Variants in GALNTL6 observed in about 807,000 individuals in gnomAD.
The protein encoded by GALNTL6 is polypeptide N-acetylgalactosaminyltransferase like 6.
GALNTL6 carries 46 observed loss-of-function variants against 73.7 expected under a neutral mutation model. The observed-to-expected ratio is 0.62, with a 90% CI of 0.49 to 0.80. The LOEUF (loss-of-function observed/expected upper bound fraction) is 0.80, where lower values mean the gene tolerates loss of function less well. GALNTL6 is among the 30% of genes least tolerant of loss of function. The pLI is 0.00. For missense variants in GALNTL6, 604 were observed against 755.0 expected, an observed-to-expected ratio of 0.80 and a Z score of 2.34; for synonymous variants, 259 against 263.7, an observed-to-expected ratio of 0.98 and a Z score of 0.17.
chr4:172,395,404 A>G (rs1001640040), intron 5 of GALNTL6, among the ~76,000 whole-genome samples: 2 of 152,130 alleles, frequency 1.3e-5, no homozygotes, highest in Non-Finnish European at 2.9e-5. Context: ...GTATGTTTTC[A>G]TTTTTTATTT....
intron 10 of GALNTL6, among the ~76,000 whole-genome samples, chr4:173,005,537 ATAT>A (rs1752240273): frequency 6.7e-6 from 1 of 149,060 alleles, no homozygotes; most frequent in Non-Finnish European, 1.5e-5. Flanking sequence ...TAAAAAAAAT[ATAT>A]TATTAGCGTG....
chr4:172,564,485 C>T (rs1040692040), intron 5 of GALNTL6, among the ~76,000 whole-genome samples: 1 of 152,016 alleles, frequency 6.6e-6, no homozygotes, highest in Non-Finnish European at 1.5e-5. Context: ...GATATTAAGG[C>T]ACATTATAAG....
At chr4:172,782,012 C>G (rs1340385198) in intron 5 of GALNTL6, among the ~76,000 whole-genome samples, 2 of 151,732 alleles carry the variant, frequency 1.3e-5, no homozygotes, top group Non-Finnish European at 2.9e-5. Flanking sequence ...TTGGGATAGG[C>G]TTGCTTCTCT....
intron 5 of GALNTL6, among the ~76,000 whole-genome samples, chr4:172,425,903 T>C (rs1339883999): frequency 6.6e-6 from 1 of 152,082 alleles, no homozygotes; most frequent in Non-Finnish European, 1.5e-5. Context: ...TTGTGGATTT[T>C]AAAAGAATCT....
chr4:172,493,955 C>G (rs947411988), intron 5 of GALNTL6, among the ~76,000 whole-genome samples: 3 of 152,140 alleles, frequency 2.0e-5, no homozygotes, highest in Non-Finnish European at 2.9e-5. Context: ...TCACCTTAAA[C>G]TCTCTCCCTC....
At chr4:172,118,038 G>A (rs1199451193) in intron 2 of GALNTL6, among the ~76,000 whole-genome samples, 1 of 152,040 alleles carries the variant, frequency 6.6e-6, no homozygotes, top group East Asian at 1.9e-4. Context: ...GCTAACCTTT[G>A]TGCATTAGAA....
chr4:172,622,870 T>C (rs1239903371), intron 5 of GALNTL6, among the ~76,000 whole-genome samples: 1 of 152,112 alleles, frequency 6.6e-6, no homozygotes, highest in Non-Finnish European at 1.5e-5. Flanking sequence ...TGACAAAGCG[T>C]TTAAGGTTGA....
intron 5 of GALNTL6, among the ~76,000 whole-genome samples, chr4:172,571,337 AC>A (rs1482747946): frequency 6.6e-6 from 1 of 152,188 alleles, no homozygotes; most frequent in African/African-American, 2.4e-5. Flanking sequence ...TGACAAATGA[AC>A]CCTGCACAGA....
Position 172,555,445 on chromosome 4 carries a change from A to G in GALNTL6, c.553+206756A>G, listed in dbSNP as rs75348783. 4.2e-3 allele frequency among the ~76,000 whole-genome samples: 635 copies of G among 152,180 alleles called. 3 individuals are homozygous for G. Among genetic ancestry groups the G allele is most frequent in the Non-Finnish European group, 7.3e-3 (498 of 67,978 alleles). On this transcript the variant is annotated intron_variant, in intron 5 of 12. Transcript: ENST00000506823. ...TGAGTCTAATACAATTGTTATCTCA[A>G]TTCTACAAATGAAGTAACTGAGGTA...
intron 2 of GALNTL6, among the ~76,000 whole-genome samples, chr4:172,219,223 A>ATAT (rs56923371): frequency 2.1e-5 from 3 of 141,982 alleles, no homozygotes; most frequent in South Asian, 2.2e-4. Context: ...ATATATATAT[A>ATAT]ATCCTTCTGT....
intron 4 of GALNTL6, among the ~76,000 whole-genome samples, chr4:172,328,479 A>G (rs1741018673): frequency 1.3e-5 from 2 of 152,186 alleles, no homozygotes; most frequent in African/African-American, 2.4e-5. Context: ...ATCCTGAAAT[A>G]TGTTTTCCAA....
chr4:172,636,935 A>G (rs1207627465), intron 5 of GALNTL6, among the ~76,000 whole-genome samples: 1 of 152,066 alleles, frequency 6.6e-6, no homozygotes, highest in Non-Finnish European at 1.5e-5. Context: ...TACACTTTAC[A>G]TATATTATAT....
At chr4:172,820,390 A>G (rs1053070499) in intron 7 of GALNTL6, among the ~76,000 whole-genome samples, 7 of 152,338 alleles carry the variant, frequency 4.6e-5, no homozygotes, top group African/African-American at 1.4e-4. Context: ...AACCTATTCA[A>G]AATTTGAAAG....
At chr4:172,378,818 A>G (rs887344573) in intron 5 of GALNTL6, among the ~76,000 whole-genome samples, 20 of 150,674 alleles carry the variant, frequency 1.3e-4, no homozygotes, top group African/African-American at 4.6e-4. Flanking sequence ...TACATTAAAA[A>G]CTGGATGAGA....
At chr4:172,247,874 T>C (rs1384977455) in intron 3 of GALNTL6, among the ~76,000 whole-genome samples, 1 of 152,228 alleles carries the variant, frequency 6.6e-6, no homozygotes, top group African/African-American at 2.4e-5. Context: ...AATCATGATA[T>C]TGTAAAAGTA....
rs181647640 is a variant in GALNTL6 at position 171,889,575 on chromosome 4, T to A, written c.138+74857T>A. The stretch of plus-strand genomic sequence containing the variant: ...TTTCTGAAGATTACTCAGTTACTTT[T>A]TCTGGATGCCCATCATACTGAAGAA... On this transcript the variant is annotated intron_variant, in intron 2 of 12. Coordinates refer to ENST00000506823, the MANE Select transcript of GALNTL6 (RefSeq NM_001034845.3). Among the ~76,000 whole-genome samples the A allele has an allele frequency of 5.0e-4, 76 of 152,226 alleles. No individual in the cohort carries two copies. The East Asian group carries it at 6.2e-3, about 12-fold the overall frequency.
chr4:172,934,357 T>C (rs1748500766), intron 9 of GALNTL6, among the ~76,000 whole-genome samples: 1 of 152,114 alleles, frequency 6.6e-6, no homozygotes, highest in South Asian at 2.1e-4. Flanking sequence ...AGAAAAATGA[T>C]AATCCCAAAG....
chr4:172,032,767 T>A (rs1741808423), intron 2 of GALNTL6, among the ~76,000 whole-genome samples: 1 of 152,054 alleles, frequency 6.6e-6, no homozygotes, highest in South Asian at 2.1e-4. Flanking sequence ...TAGAAATAGA[T>A]TAAATTTTTA....
In GALNTL6 at chr4:172,147,899, G is replaced by A. The variant is rs114325208; in HGVS notation, c.139-81757G>A. On this transcript the variant is annotated intron_variant, in intron 2 of 12. Coordinates refer to ENST00000506823, the MANE Select transcript of GALNTL6 (RefSeq NM_001034845.3). ...TTACTCCATGCTTCTGCAAATAACAGAGACTTTTAATAGCATTGTGAATAA... is the reference window on the plus strand; with the variant it reads ...TTACTCCATGCTTCTGCAAATAACAAAGACTTTTAATAGCATTGTGAATAA... 9.7e-3 allele frequency among the ~76,000 whole-genome samples: 1,483 copies of A among 152,216 alleles called. 26 individuals carry two copies. The highest frequency in any genetic ancestry group is 0.033 in the African/African-American group (1,370 of 41,536).
Sources: gnomAD v4.1 joint callset for allele counts (sites outside exome capture counted in the v4.1 genomes callset) on GRCh38, gnomAD v4.1.1 for gene constraint, MANE v1.5 for transcripts, NCBI Gene and HGNC (gene_info 2026-07-23, HGNC 2026-07-21) for gene names.